The following ATXN7L1 variants were observed in gnomAD, a reference collection of about 807,000 sequenced individuals.
The protein encoded by ATXN7L1 is ataxin-7-like protein 1.
In ATXN7L1, 15 loss-of-function variants were observed where a neutral mutation model predicts 70.8. The observed-to-expected ratio is 0.21, with a 90% CI of 0.14 to 0.33. The LOEUF (loss-of-function observed/expected upper bound fraction) is 0.33, where lower values mean the gene tolerates loss of function less well. ATXN7L1 is among the 10% of genes least tolerant of loss of function. The probability of loss-of-function intolerance (pLI) is 1.00; values close to 1 mark genes in which losing one functional copy is unlikely to be tolerated. For missense variants in ATXN7L1, 975 were observed against 1,097.1 expected (o/e 0.89, Z 1.57); for synonymous variants, 440 against 445.1 (o/e 0.99, Z 0.14).
chr7:105,789,021 T>C (rs1376950008), intron 2 of ATXN7L1, among the ~76,000 whole-genome samples: 4 of 152,236 alleles, frequency 2.6e-5, no homozygotes, highest in Admixed American at 2.6e-4. Context: ...AGAACCCACA[T>C]GTTAGCTGGG....
intron 4 of ATXN7L1, 69 bp from the exon 5 acceptor site, chr7:105,643,190 C>T (rs1798510405): frequency 7.1e-7 from 1 of 1,413,516 alleles, no homozygotes; most frequent in East Asian, 2.5e-5. Context: ...AGGAACCATA[C>T]CCGCTTATCA....
intron 5 of ATXN7L1, 100 bp from the exon 6 acceptor site, chr7:105,639,669 A>G: frequency 1.3e-6 from 1 of 798,250 alleles, no homozygotes; most frequent in Non-Finnish European, 2.0e-6. Context: ...TGCACCAACA[A>G]GTGAGACATT....
chr7:105,673,476 A>G (rs931550490), intron 3 of ATXN7L1, among the ~76,000 whole-genome samples: 4 of 152,196 alleles, frequency 2.6e-5, no homozygotes, highest in Non-Finnish European at 5.9e-5. Context: ...CACCTGGCTT[A>G]CTCACTTGAC....
intron 2 of ATXN7L1, among the ~76,000 whole-genome samples, chr7:105,811,897 T>A (rs1234154939): frequency 6.6e-6 from 1 of 152,036 alleles, no homozygotes; most frequent in African/African-American, 2.4e-5. Flanking sequence ...CCTCTCCTCT[T>A]CCCCTCACAG....
chr7:105,752,216 C>G (rs921132153), intron 3 of ATXN7L1, among the ~76,000 whole-genome samples: 1 of 152,148 alleles, frequency 6.6e-6, no homozygotes, highest in Non-Finnish European at 1.5e-5. Context: ...CTTCTTGTTG[C>G]CTTTGACCTC....
chr7:105,645,087 T>TG (rs11373194), intron 4 of ATXN7L1, among the ~76,000 whole-genome samples: 130,964 of 151,950 alleles, frequency 0.86, 56,666 homozygotes, highest in African/African-American at 0.92. Context: ...TGCCAGGGGA[T>TG]GGGGAAGGGA....
At chr7:105,819,674 G>T in intron 2 of ATXN7L1, 1 of 944,822 alleles carries the variant, frequency 1.1e-6, no homozygotes, top group East Asian at 2.7e-5. Flanking sequence ...TCCGCAAGCA[G>T]ATGAACACCA....
intron 3 of ATXN7L1, among the ~76,000 whole-genome samples, chr7:105,744,915 T>C (rs1798409930): frequency 6.6e-6 from 1 of 151,858 alleles, no homozygotes; most frequent in East Asian, 1.9e-4. Context: ...TTCTTGTATT[T>C]TTAGTAGAGA....
intron 8 of ATXN7L1, among the ~76,000 whole-genome samples, chr7:105,621,800 C>T (rs191988206): frequency 6.6e-6 from 1 of 152,348 alleles, no homozygotes; most frequent in Admixed American, 6.5e-5. Context: ...GATTGGCACT[C>T]ATTCCACAAA....
At chr7:105,704,009 G>T (rs1007917613) in intron 3 of ATXN7L1, among the ~76,000 whole-genome samples, 3 of 149,352 alleles carry the variant, frequency 2.0e-5, no homozygotes, top group Admixed American at 1.3e-4. Flanking sequence ...CAACTGCAAG[G>T]TTGTGCGGGA....
intron 3 of ATXN7L1, chr7:105,760,153 C>A: frequency 1.0e-6 from 1 of 968,194 alleles, no homozygotes; most frequent in Non-Finnish European, 1.2e-6. Context: ...TACTGGCCCC[C>A]TAACTGTTAA....
chr7:105,774,962 G>A (rs952550955), intron 3 of ATXN7L1, among the ~76,000 whole-genome samples: 3 of 152,052 alleles, frequency 2.0e-5, no homozygotes, highest in Non-Finnish European at 4.4e-5. Flanking sequence ...CAAATCTTAA[G>A]ACATCTGTAG....
rs541030752 is a variant in ATXN7L1 at position 105,861,599 on chromosome 7, C to G, written c.250+14213G>C. Among the ~76,000 whole-genome samples, 4 of 151,800 alleles carry G rather than the reference C, an allele frequency of 2.6e-5. No individual in the cohort carries two copies. In the South Asian group the frequency reaches 8.4e-4, roughly 32 times the overall value. The stretch of plus-strand genomic sequence containing the variant: ...GTGAGGGGCTGTCTGGTGCGGCACC[C>G]GGGGGTGGGATGAGCACTCTGTGGA... On this transcript the variant is annotated intron_variant, in intron 2 of 11. Transcript: ENST00000419735.
At chr7:105,869,436 G>A (rs1191635842) in intron 2 of ATXN7L1, among the ~76,000 whole-genome samples, 1 of 152,062 alleles carries the variant, frequency 6.6e-6, no homozygotes, top group Non-Finnish European at 1.5e-5. Context: ...AATCTCCATG[G>A]CCTGCTGCTG....
At chr7:105,841,899 G>A (rs1813265871) in intron 2 of ATXN7L1, among the ~76,000 whole-genome samples, 2 of 152,230 alleles carry the variant, frequency 1.3e-5, no homozygotes, top group South Asian at 4.2e-4. Context: ...GGGGACTACT[G>A]GACTAATGCC....
chr7:105,791,390 C>T (rs1392949221), intron 2 of ATXN7L1, among the ~76,000 whole-genome samples: 1 of 152,086 alleles, frequency 6.6e-6, no homozygotes. Context: ...GGTAGGCAGG[C>T]GGGAGGCCTG....
intron 6 of ATXN7L1, 82 bp from the exon 7 acceptor site, chr7:105,638,691 G>A (rs1276764650): frequency 4.1e-5 from 59 of 1,441,548 alleles, no homozygotes; most frequent in Admixed American, 1.9e-4. Flanking sequence ...TTCAGAAATA[G>A]CAATTCATGG....
chr7:105,875,778 A>G (rs1312457434), intron 2 of ATXN7L1, 34 bp downstream of exon 2: 5 of 1,578,400 alleles, frequency 3.2e-6, no homozygotes, highest in Middle Eastern at 1.7e-4. Context: ...TCTGCCACAC[A>G]TGCTAACACT....
intron 7 of ATXN7L1, among the ~76,000 whole-genome samples, chr7:105,630,162 T>G (rs1374607746): frequency 6.6e-6 from 1 of 152,116 alleles, no homozygotes; most frequent in African/African-American, 2.4e-5. Flanking sequence ...CAATGAACAC[T>G]TAGGTTGTTT....
Sources: allele counts gnomAD v4.1 joint callset (sites outside exome capture counted in the v4.1 genomes callset), GRCh38; gene constraint gnomAD v4.1.1; transcripts MANE v1.5; gene names NCBI Gene and HGNC (gene_info 2026-07-23, HGNC 2026-07-21).